The following SERTM1 variants were observed in gnomAD, a reference collection of about 807,000 sequenced individuals.
The protein encoded by SERTM1 is serine rich and transmembrane domain containing 1, also known as serine-rich and transmembrane domain-containing protein 1.
SERTM1 carries 1 observed loss-of-function variant against 5.5 expected under a neutral mutation model. That is an observed-to-expected ratio of 0.18 (90% CI 0.06 to 0.86). The LOEUF (loss-of-function observed/expected upper bound fraction) is 0.86. SERTM1 is among the 40% of genes least tolerant of loss of function. The pLI is 0.69. For synonymous variants in SERTM1, 52 were observed against 55.1 expected (o/e 0.94, Z 0.25); for missense variants, 91 against 122.4 (o/e 0.74, Z 1.21).
At chr13:36,678,287 G>A (rs2056681908) in intron 1 of SERTM1, among the ~76,000 whole-genome samples, 1 of 151,938 alleles carries the variant, frequency 6.6e-6, no homozygotes, top group Non-Finnish European at 1.5e-5. Context: ...TTAACAGCTT[G>A]GTATATAACC....
rs1317966414 is a variant in SERTM1 at position 36,695,151 on chromosome 13, A to G, written c.73A>G (p.Thr25Ala). 6.2e-7 allele frequency: 1 copy of G among 1,614,164 alleles called. No individual in the cohort carries two copies. Among genetic ancestry groups the G allele is most frequent in the Non-Finnish European group, 8.5e-7 (1 of 1,179,986 alleles). ...ENGTFLELFP[T>A]SLSTSVDPSS... is the part of the protein sequence containing the mutation. ...TGGAACTTTTCTTGAGCTGTTTCCC[A>G]CATCCCTGTCCACGTCAGTGGACCC... The change falls in exon 2 of 2, where the codon ACA (threonine) becomes GCA (alanine). Residue 25 changes from threonine (T) to alanine (A), a missense_variant. Physicochemically the swap from Thr to Ala is moderately conservative, Grantham distance 58. Transcript: ENST00000315190.
intron 1 of SERTM1, among the ~76,000 whole-genome samples, chr13:36,678,420 T>C (rs887455449): frequency 2.6e-5 from 4 of 151,910 alleles, no homozygotes; most frequent in African/African-American, 9.7e-5. Flanking sequence ...GTTACTTTCT[T>C]GACTTAGTCA....
At chr13:36,693,221 C>T (rs1294059140) in intron 1 of SERTM1, among the ~76,000 whole-genome samples, 1 of 152,172 alleles carries the variant, frequency 6.6e-6, no homozygotes, top group East Asian at 1.9e-4. Flanking sequence ...AATAGTTTTT[C>T]CCATCCAATC....
At chr13:36,687,328 G>T (rs1006738362) in intron 1 of SERTM1, among the ~76,000 whole-genome samples, 1 of 152,116 alleles carries the variant, frequency 6.6e-6, no homozygotes, top group African/African-American at 2.4e-5. Context: ...ATTATATAAA[G>T]CACCCTAGTT....
chr13:36,689,825 A>G (rs1306665370), intron 1 of SERTM1, among the ~76,000 whole-genome samples: 3 of 152,040 alleles, frequency 2.0e-5, no homozygotes, highest in Middle Eastern at 3.2e-3. Flanking sequence ...TATTCTGAGT[A>G]TAATTTATAT....
chr13:36,675,132 T>C (rs1300250728), intron 1 of SERTM1, among the ~76,000 whole-genome samples: 1 of 152,194 alleles, frequency 6.6e-6, no homozygotes, highest in African/African-American at 2.4e-5. Context: ...GATCTCAGAC[T>C]CTAGAGATGG....
At chr13:36,682,281 A>G (rs1467451278) in intron 1 of SERTM1, among the ~76,000 whole-genome samples, 1 of 152,208 alleles carries the variant, frequency 6.6e-6, no homozygotes, top group Non-Finnish European at 1.5e-5. Context: ...CACATTCTGT[A>G]CTAGTCTGTG....
At chr13:36,692,052 G>C (rs1056015824) in intron 1 of SERTM1, among the ~76,000 whole-genome samples, 3 of 152,134 alleles carry the variant, frequency 2.0e-5, no homozygotes, top group African/African-American at 7.2e-5. Flanking sequence ...GTGTAGCTGT[G>C]ATTTTAAATT....
chr13:36,695,034 G>A lies in SERTM1; in HGVS notation c.-45G>A. ...CTGTCCTGTGTAAGCCCTGTGTGAA[G>A]TTTTGACTTTAATCTACCAGATCAC... On this transcript the variant is annotated 5_prime_UTR_variant, in exon 2 of 2. Coordinates refer to ENST00000315190, the MANE Select transcript of SERTM1 (RefSeq NM_203451.3). 7.0e-7 allele frequency: 1 copy of A among 1,436,572 alleles called. No individual in the cohort carries two copies. The highest frequency in any genetic ancestry group is 9.6e-7 in the Non-Finnish European group (1 of 1,037,100). 89.0% of individuals were successfully genotyped at this position (1,436,572 alleles called of 1,614,324 possible). A position where few individuals can be genotyped will look rare whatever the true frequency, so the allele number is the denominator to read the frequency against.
At chr13:36,685,934 C>G (rs532368360) in intron 1 of SERTM1, among the ~76,000 whole-genome samples, 5 of 152,338 alleles carry the variant, frequency 3.3e-5, no homozygotes, top group Admixed American at 1.3e-4. Flanking sequence ...AGATCACCTA[C>G]TCATTGGTCC....
chr13:36,678,679 T>TTATATATATATATA lies in SERTM1; in HGVS notation c.-174+4498_-174+4511dup, dbSNP rs765476413. Among the ~76,000 whole-genome samples the TTATATATATATATA allele has an allele frequency of 2.4e-3, 323 of 133,722 alleles. 9 individuals carry two copies. The highest frequency in any genetic ancestry group is 8.1e-3 in the African/African-American group (288 of 35,530). The allele number at this position is 133,722 out of a possible 152,430, so 87.7% of individuals were successfully genotyped here. ...CCTGGAACTTAAAATAAAATAAAAT[T>TTATATATATATATA]TATATATATATATATAAAATATAGT... On this transcript the variant is annotated intron_variant, in intron 1 of 1. Transcript: ENST00000315190.
chr13:36,676,747 TAC>T (rs771626367), intron 1 of SERTM1, among the ~76,000 whole-genome samples: 6 of 152,176 alleles, frequency 3.9e-5, no homozygotes, highest in Non-Finnish European at 8.8e-5. Context: ...AGTATATTAA[TAC>T]AAAGTATTAT....
Position 36,695,408 on chromosome 13 carries a change from A to G in SERTM1, c.*6A>G. The G allele has an allele frequency of 6.2e-7, 1 of 1,608,934 alleles. No individual in the cohort carries two copies. Among genetic ancestry groups the G allele is most frequent in the Non-Finnish European group, 8.5e-7 (1 of 1,176,602 alleles). ...TTTCAAACCTTTCATCCTGAGGAAA[A>G]TGGAAGAGTCCTTGAGTGTGGCAGC... On this transcript the variant is annotated 3_prime_UTR_variant, in exon 2 of 2. Transcript: ENST00000315190.
At chr13:36,686,170 C>T (rs1184759387) in intron 1 of SERTM1, among the ~76,000 whole-genome samples, 4 of 152,184 alleles carry the variant, frequency 2.6e-5, no homozygotes, top group African/African-American at 4.8e-5. Context: ...GCCTCTCCCA[C>T]GACCACAGGC....
At position 36,695,631 on chromosome 13, in the gene SERTM1, G is replaced by A. The variant is rs1045688680; in HGVS notation, c.*229G>A. On this transcript the variant is annotated 3_prime_UTR_variant, in exon 2 of 2. Coordinates refer to ENST00000315190, the MANE Select transcript of SERTM1 (RefSeq NM_203451.3). ...CCAAGGTGCAGAATTTCACACAAAT[G>A]GCTTGATGAATCTAGACTGGGCTTC... 22 of 579,454 alleles carry A rather than the reference G, an allele frequency of 3.8e-5. No individual in the cohort carries two copies. The allele number at this position is 579,454 out of a possible 1,614,324, so 35.9% of individuals were successfully genotyped here.
intron 1 of SERTM1, among the ~76,000 whole-genome samples, chr13:36,693,637 A>G (rs1264285698): frequency 6.6e-6 from 1 of 152,198 alleles, no homozygotes; most frequent in Non-Finnish European, 1.5e-5. Flanking sequence ...CTCCAGCCAC[A>G]GTGGCAAATG....
chr13:36,679,415 T>G (rs534079529), intron 1 of SERTM1, among the ~76,000 whole-genome samples: 1 of 152,286 alleles, frequency 6.6e-6, no homozygotes, highest in East Asian at 1.9e-4. Flanking sequence ...TTGTTTGTTT[T>G]TTGTTTTTGA....
At chr13:36,675,078 C>T (rs958623909) in intron 1 of SERTM1, among the ~76,000 whole-genome samples, 1 of 152,186 alleles carries the variant, frequency 6.6e-6, no homozygotes, top group Non-Finnish European at 1.5e-5. Flanking sequence ...TATGCCTGCC[C>T]GCTTTCCTCC....
At chr13:36,688,362 G>A (rs908215071) in intron 1 of SERTM1, among the ~76,000 whole-genome samples, 5 of 151,904 alleles carry the variant, frequency 3.3e-5, no homozygotes, top group African/African-American at 7.3e-5. Context: ...ACAGGCACAC[G>A]CCATCATGCC....
Sources: allele counts gnomAD v4.1 joint callset (sites outside exome capture counted in the v4.1 genomes callset), GRCh38; gene constraint gnomAD v4.1.1; transcripts MANE v1.5; gene names NCBI Gene and HGNC (gene_info 2026-07-23, HGNC 2026-07-21).